The following FNIP1 variants were observed in gnomAD, a reference collection of about 807,000 sequenced individuals.
FNIP1 encodes folliculin-interacting protein 1.
In FNIP1, 40 loss-of-function variants were observed where a neutral mutation model predicts 124.5. That is an observed-to-expected ratio of 0.32 (90% CI 0.25 to 0.42). The LOEUF (loss-of-function observed/expected upper bound fraction) is 0.42. Among genes scored for constraint, FNIP1 ranks in the 10% least tolerant of loss-of-function variants. FNIP1 has a pLI of 1.00. For missense variants in FNIP1, 1,176 were observed against 1,403.7 expected, an observed-to-expected ratio of 0.84 and a Z score of 2.59; for synonymous variants, 472 against 470.6, an observed-to-expected ratio of 1.00 and a Z score of -0.04.
Position 131,671,642 on chromosome 5 carries a change from T to G in FNIP1, c.2802A>C (p.Pro934=), listed in dbSNP as rs1449539433. The change falls in exon 14 of 18, where the codon CCA becomes CCC. Residue 934 remains proline (P), a synonymous_variant. Transcript: ENST00000510461. ...KIAVGTEWDI[P]RNESSDSALG... is the part of the protein sequence containing the mutation. ...GGGCACTGTCTGAACTTTCATTTCTTGGAATGTCCCATTCAGTTCCTACAG... is the reference window on the plus strand; with the variant it reads ...GGGCACTGTCTGAACTTTCATTTCTGGGAATGTCCCATTCAGTTCCTACAG... 1 of 1,614,168 alleles carries G rather than the reference T, an allele frequency of 6.2e-7. No individual in the cohort carries two copies. The highest frequency in any genetic ancestry group is 8.5e-7 in the Non-Finnish European group (1 of 1,180,032).
intron 11 of FNIP1, among the ~76,000 whole-genome samples, chr5:131,694,301 A>C (rs1305129367): frequency 1.3e-5 from 2 of 152,262 alleles, no homozygotes; most frequent in East Asian, 3.8e-4. Context: ...TATAATCACC[A>C]AAAACTACAA....
At chr5:131,708,018 A>G (rs1769171101) in intron 8 of FNIP1, among the ~76,000 whole-genome samples, 1 of 152,168 alleles carries the variant, frequency 6.6e-6, no homozygotes, top group African/African-American at 2.4e-5. Context: ...AAGAAACTCA[A>G]TTAGAAAAGA....
At chr5:131,702,369 C>T (rs1271076839) in intron 10 of FNIP1, among the ~76,000 whole-genome samples, 4 of 151,776 alleles carry the variant, frequency 2.6e-5, no homozygotes, top group East Asian at 3.9e-4. Context: ...TTGTAGAGAC[C>T]GGGTCTTGCC....
At chr5:131,724,476 T>C (rs970894758) in intron 3 of FNIP1, among the ~76,000 whole-genome samples, 5 of 152,242 alleles carry the variant, frequency 3.3e-5, no homozygotes, top group African/African-American at 1.2e-4. Context: ...AAAGAGCTTT[T>C]TTTTCATGTT....
In FNIP1 at chr5:131,642,277, T is replaced by C. The variant is rs1766738603; in HGVS notation, c.*2408A>G. ...TTGCGTAAGGAAAGAATGACTATGG[T>C]GAAGGTAATAGAAATTATAGAAGGA... On this transcript the variant is annotated 3_prime_UTR_variant, in exon 18 of 18. Transcript: ENST00000510461. The C allele has an allele frequency of 6.6e-6, 1 of 152,582 alleles. No individual in the cohort carries two copies. Among genetic ancestry groups the C allele is most frequent in the South Asian group, 2.1e-4 (1 of 4,828 alleles). The allele number at this position is 152,582 out of a possible 1,614,324, so 9.5% of individuals were successfully genotyped here.
chr5:131,671,710 G>T lies in FNIP1; in HGVS notation c.2734C>A (p.Leu912Ile), dbSNP rs943165446. The T allele has an allele frequency of 1.9e-6, 3 of 1,614,046 alleles. No homozygotes were observed. The highest frequency in any genetic ancestry group is 2.5e-6 in the Non-Finnish European group (3 of 1,180,040). ...QQDQRDTLSILVPHGDKESSD... is the reference protein window; with the variant it reads ...QQDQRDTLSIIVPHGDKESSD... ...CTCTCTTTATCCCCATGGGGGACAAGAATGGAGAGTGTATCTCTTTGGTCC... is the reference window on the plus strand; with the variant it reads ...CTCTCTTTATCCCCATGGGGGACAATAATGGAGAGTGTATCTCTTTGGTCC... Residue 912 changes from leucine to isoleucine, a missense_variant, in exon 14 of 18, where the codon CTT becomes ATT. By Grantham distance (5) the Leu-to-Ile change is conservative. This residue lies in a region of FNIP1 where 1,109 missense variants were observed against 1,288.5 expected (regional missense o/e 0.86). Coordinates refer to ENST00000510461, the MANE Select transcript of FNIP1 (RefSeq NM_133372.3).
chr5:131,671,218 C>G (rs887092064), intron 14 of FNIP1, among the ~76,000 whole-genome samples: 12 of 152,148 alleles, frequency 7.9e-5, no homozygotes, highest in Non-Finnish European at 4.4e-5. Flanking sequence ...AGCATATGTC[C>G]TTTGGGGGGC....
chr5:131,794,312 CA>C (rs1772506755), intron 1 of FNIP1, among the ~76,000 whole-genome samples: 1 of 121,438 alleles, frequency 8.2e-6, no homozygotes, highest in Non-Finnish European at 1.8e-5. Context: ...ACAAAAATAA[CA>C]ATATCAATAT....
At chr5:131,677,156 G>A (rs997203080) in intron 13 of FNIP1, among the ~76,000 whole-genome samples, 3 of 152,132 alleles carry the variant, frequency 2.0e-5, no homozygotes, top group African/African-American at 7.2e-5. Context: ...AATGTGGTGT[G>A]CCTGACTCCA....
chr5:131,729,214 G>A (rs1418243873), intron 3 of FNIP1, among the ~76,000 whole-genome samples: 1 of 152,212 alleles, frequency 6.6e-6, no homozygotes, highest in Non-Finnish European at 1.5e-5. Flanking sequence ...TGAAAGCTGT[G>A]CTGAGAGATC....
chr5:131,655,942 C>A (rs31582), intron 15 of FNIP1, among the ~76,000 whole-genome samples: 82,420 of 148,290 alleles, frequency 0.56, 26,612 homozygotes, highest in Non-Finnish European at 0.73. Flanking sequence ...CAAAACAAAA[C>A]AAAAAAAAAA....
At chr5:131,670,263 T>A (rs1036642307) in intron 15 of FNIP1, among the ~76,000 whole-genome samples, 200 bp downstream of exon 15, 1 of 152,186 alleles carries the variant, frequency 6.6e-6, no homozygotes, top group Non-Finnish European at 1.5e-5. Context: ...ATTTCAGATA[T>A]CCATGTGGAT....
intron 1 of FNIP1, among the ~76,000 whole-genome samples, chr5:131,775,668 T>C (rs867383177): frequency 5.9e-5 from 9 of 151,656 alleles, no homozygotes; most frequent in Admixed American, 1.3e-4. Flanking sequence ...CCTTGGATTG[T>C]AGGCGTCCGC....
At chr5:131,769,120 C>G (rs1472183724) in intron 1 of FNIP1, among the ~76,000 whole-genome samples, 2 of 152,028 alleles carry the variant, frequency 1.3e-5, no homozygotes, top group African/African-American at 2.4e-5. Context: ...TGAAGGTTCC[C>G]ATGTAAACAT....
intron 1 of FNIP1, among the ~76,000 whole-genome samples, chr5:131,792,490 T>C (rs963742210): frequency 6.6e-6 from 1 of 152,102 alleles, no homozygotes; most frequent in Non-Finnish European, 1.5e-5. Flanking sequence ...AAGTGACATA[T>C]TGAGGGTAGT....
chr5:131,682,758 C>A (rs566672276), intron 11 of FNIP1, among the ~76,000 whole-genome samples: 1 of 152,154 alleles, frequency 6.6e-6, no homozygotes, highest in South Asian at 2.1e-4. Flanking sequence ...TTCTAGAAAT[C>A]ATTTCTTTCT....
rs928523866 is a variant in FNIP1, at chr5:131,740,202, T to C, written c.219+4362A>G. Among the ~76,000 whole-genome samples the C allele has an allele frequency of 3.9e-5, 6 of 152,330 alleles. No individual in the cohort carries two copies. The South Asian group carries it at 1.0e-3, about 26-fold the overall frequency. On this transcript the variant is annotated intron_variant, in intron 2 of 17. Transcript: ENST00000510461. The stretch of plus-strand genomic sequence containing the variant: ...AGTGTATGCATAGGCAACTTTGTCA[T>C]TTTAATTTCTATTTTAAATGAATGT...
rs759940295 is a variant in FNIP1, at chr5:131,671,592, G to A, written c.2852C>T (p.Thr951Ile). 1.2e-6 allele frequency: 2 copies of A among 1,613,886 alleles called. No homozygotes were observed. The highest frequency in any genetic ancestry group is 1.1e-5 in the South Asian group (1 of 91,086). ...SALGDSESED[T>I]GHDMTRQVSS... ...AACTTGTCTAGTCATATCATGACCT[G>A]TATCTTCACTTTCACTATCCCCAAG... is the stretch of plus-strand genomic sequence containing the variant. Residue 951 changes from threonine (T) to isoleucine (I), a missense_variant, in exon 14 of 18, where the codon ACA (threonine) becomes ATA (isoleucine). Transcript: ENST00000510461.
chr5:131,688,002 A>C (rs1167773084), intron 11 of FNIP1, among the ~76,000 whole-genome samples: 1 of 152,152 alleles, frequency 6.6e-6, no homozygotes, highest in Non-Finnish European at 1.5e-5. Flanking sequence ...CTTGAGAGAG[A>C]AGCAGCCTTC....
Sources: allele counts gnomAD v4.1 joint callset (sites outside exome capture counted in the v4.1 genomes callset), GRCh38; gene constraint gnomAD v4.1.1; regional missense constraint gnomAD v4.1.1; transcripts MANE v1.5; gene names NCBI Gene and HGNC (gene_info 2026-07-23, HGNC 2026-07-21).